Variants in OPCML observed in about 807,000 individuals in gnomAD.
OPCML encodes the protein opioid binding protein/cell adhesion molecule like.
A neutral mutation model predicts 37.8 loss-of-function variants in OPCML; 13 were observed. The ratio of observed to expected loss-of-function variants is 0.34; its 90% CI spans 0.22 to 0.55. The LOEUF is 0.55. OPCML is among the 20% of genes least tolerant of loss of function. The pLI, the probability that OPCML is intolerant of heterozygous loss-of-function variation, is 0.91. For synonymous variants in OPCML, 176 were observed against 168.8 expected (o/e 1.04, Z -0.33); for missense variants, 341 against 435.6 (o/e 0.78, Z 1.93).
At chr11:132,934,503 A>G (rs1211257725) in intron 2 of OPCML, among the ~76,000 whole-genome samples, 1 of 152,166 alleles carries the variant, frequency 6.6e-6, no homozygotes, top group Non-Finnish European at 1.5e-5. Context: ...CTGGACAGGC[A>G]GAGAAGAGGC....
In OPCML at chr11:132,555,058, C is replaced by T. The variant is rs558970062; in HGVS notation, c.380-25872G>A. On this transcript the variant is annotated intron_variant, in intron 3 of 7. Coordinates refer to ENST00000524381, the MANE Select transcript of OPCML (RefSeq NM_001012393.5). ...CCATGGGAAAATGGCGGGAGCACTG[C>T]GTGATGAAGACCAGCATGATTCCCT... Among the ~76,000 whole-genome samples, 8 of 151,828 alleles carry T rather than the reference C, an allele frequency of 5.3e-5. No homozygotes were observed. The South Asian group carries it at 8.3e-4, about 16-fold the overall frequency.
intron 3 of OPCML, among the ~76,000 whole-genome samples, chr11:132,542,463 C>T (rs1010154893): frequency 3.9e-5 from 6 of 152,198 alleles, no homozygotes; most frequent in African/African-American, 1.4e-4. Context: ...CCCTGCATAG[C>T]ACCCAGTCTC....
chr11:133,143,062 T>A (rs1168325825), intron 1 of OPCML, among the ~76,000 whole-genome samples: 1 of 152,148 alleles, frequency 6.6e-6, no homozygotes, highest in Non-Finnish European at 1.5e-5. Context: ...GTACTGAATA[T>A]CTACTCCATG....
chr11:132,760,407 C>T (rs116201034), intron 2 of OPCML, among the ~76,000 whole-genome samples: 3,089 of 152,100 alleles, frequency 0.02, 84 homozygotes, highest in African/African-American at 0.068. Flanking sequence ...GTGTTAAAGT[C>T]TCCCCCTCTT....
At chr11:132,887,650 A>G (rs1943475314) in intron 2 of OPCML, among the ~76,000 whole-genome samples, 1 of 152,200 alleles carries the variant, frequency 6.6e-6, no homozygotes, top group Admixed American at 6.5e-5. Context: ...CTAAAATTTC[A>G]TTTTATAGAA....
intron 1 of OPCML, among the ~76,000 whole-genome samples, chr11:133,203,470 A>C (rs945952442): frequency 5.9e-5 from 9 of 152,180 alleles, no homozygotes; most frequent in African/African-American, 2.2e-4. Context: ...TCAGGAGGCT[A>C]AGTGAGGAGG....
Position 132,978,991 on chromosome 11 carries a change from T to A in OPCML, c.62-35981A>T, listed in dbSNP as rs559396138. ...ACTCACAGCCCCCACATGTTTCACA[T>A]CGCAACAAATGTCAACTTCTTCTTT... On this transcript the variant is annotated intron_variant, in intron 1 of 7. Transcript: ENST00000524381. Among the ~76,000 whole-genome samples, 9 of 152,288 alleles carry A rather than the reference T, an allele frequency of 5.9e-5. No homozygotes were observed. The South Asian group carries it at 1.9e-3, about 32-fold the overall frequency.
chr11:133,481,444 AAAATAAATAAAT>A (rs373209430), intron 1 of OPCML, among the ~76,000 whole-genome samples: 8 of 150,108 alleles, frequency 5.3e-5, no homozygotes, highest in African/African-American at 1.2e-4. Context: ...CCCAGTTAAA[AAAATAAATAAAT>A]AAATAAATAA....
intron 1 of OPCML, among the ~76,000 whole-genome samples, chr11:133,470,739 A>G (rs1181675977): frequency 6.6e-6 from 1 of 152,236 alleles, no homozygotes; most frequent in Non-Finnish European, 1.5e-5. Flanking sequence ...TTTTGGAGGA[A>G]AAAGTGAAAA....
At chr11:132,713,501 T>C (rs748272528) in intron 2 of OPCML, among the ~76,000 whole-genome samples, 1 of 152,198 alleles carries the variant, frequency 6.6e-6, no homozygotes, top group African/African-American at 2.4e-5. Context: ...TTTCCTATTT[T>C]ACAATGATAA....
chr11:132,670,239 T>C (rs1314221615), intron 2 of OPCML, among the ~76,000 whole-genome samples: 1 of 152,188 alleles, frequency 6.6e-6, no homozygotes, highest in East Asian at 1.9e-4. Flanking sequence ...GAGCTTGATA[T>C]CTTTTTGAAG....
intron 1 of OPCML, among the ~76,000 whole-genome samples, chr11:133,154,779 T>G (rs539000874): frequency 5.9e-5 from 9 of 152,166 alleles, no homozygotes; most frequent in African/African-American, 1.9e-4. Context: ...GGAGGGAATG[T>G]GAAGCCTGAG....
intron 1 of OPCML, among the ~76,000 whole-genome samples, chr11:133,274,274 T>C (rs1169147217): frequency 1.3e-5 from 2 of 152,184 alleles, no homozygotes; most frequent in Non-Finnish European, 2.9e-5. Flanking sequence ...CTGATTTGGC[T>C]ATAGAGTCTT....
At chr11:132,711,637 T>C (rs1255339592) in intron 2 of OPCML, among the ~76,000 whole-genome samples, 2 of 152,192 alleles carry the variant, frequency 1.3e-5, no homozygotes, top group South Asian at 2.1e-4. Flanking sequence ...TCAAACCACA[T>C]AGAACCATTG....
intron 1 of OPCML, chr11:133,009,220 A>C: frequency 2.0e-6 from 2 of 985,286 alleles, no homozygotes; most frequent in Non-Finnish European, 2.4e-6. Context: ...CCCTGATCTC[A>C]GGGAACTTCA....
At chr11:133,268,867 C>T (rs1592153933) in intron 1 of OPCML, among the ~76,000 whole-genome samples, 1 of 152,314 alleles carries the variant, frequency 6.6e-6, no homozygotes, top group Non-Finnish European at 1.5e-5. Flanking sequence ...GCACACATTT[C>T]TCTGAAGGCA....
Position 132,778,793 on chromosome 11 carries a change from G to T in OPCML, c.147-121474C>A, listed in dbSNP as rs138759895. ...TTAAAAGATATGTCCAAAGTCATAG[G>T]CTCAATTCGTAGAAGTATTAGCTCT... On this transcript the variant is annotated intron_variant, in intron 2 of 7. Coordinates refer to ENST00000524381, the MANE Select transcript of OPCML (RefSeq NM_001012393.5). 2.9e-3 allele frequency among the ~76,000 whole-genome samples: 446 copies of T among 152,124 alleles called. 3 individuals carry two copies. Among genetic ancestry groups the T allele is most frequent in the African/African-American group, 0.01 (430 of 41,492 alleles).
intron 2 of OPCML, among the ~76,000 whole-genome samples, chr11:132,715,951 G>A (rs185369423): frequency 6.6e-6 from 1 of 152,274 alleles, no homozygotes; most frequent in East Asian, 1.9e-4. Context: ...TAAATGACAG[G>A]TCGATCTGAC....
At chr11:132,848,083 C>T (rs1378145256) in intron 2 of OPCML, among the ~76,000 whole-genome samples, 1 of 152,048 alleles carries the variant, frequency 6.6e-6, no homozygotes, top group Non-Finnish European at 1.5e-5. Flanking sequence ...AGCATATAGC[C>T]CTAATCAGGA....
Sources: allele counts gnomAD v4.1 joint callset (sites outside exome capture counted in the v4.1 genomes callset), GRCh38; gene constraint gnomAD v4.1.1; transcripts MANE v1.5; gene names NCBI Gene and HGNC (gene_info 2026-07-23, HGNC 2026-07-21).